RSRC1: variants seen among roughly 807,000 people sequenced by gnomAD.
RSRC1 encodes serine/Arginine-related protein 53.
Under a neutral mutation model 49.1 loss-of-function variants are expected in RSRC1, and 39 were observed. The observed-to-expected ratio is 0.79, with a 90% CI of 0.61 to 1.04. The LOEUF is 1.04. RSRC1 is among the 50% of genes least tolerant of loss of function. RSRC1 has a pLI of 0.00. For synonymous variants in RSRC1, 143 were observed against 130.8 expected, an observed-to-expected ratio of 1.09 and a Z score of -0.63; for missense variants, 388 against 402.4, an observed-to-expected ratio of 0.96 and a Z score of 0.31.
At chr3:158,253,243 T>A (rs1724329574) in intron 4 of RSRC1, among the ~76,000 whole-genome samples, 2 of 152,118 alleles carry the variant, frequency 1.3e-5, no homozygotes, top group African/African-American at 4.8e-5. Flanking sequence ...TTTTGCTGTA[T>A]CCCATAGATT....
chr3:158,268,587 C>T (rs183892760), intron 4 of RSRC1, among the ~76,000 whole-genome samples: 273 of 152,214 alleles, frequency 1.8e-3, no homozygotes, highest in Non-Finnish European at 2.2e-3. Context: ...ATAAATATAA[C>T]AGTAACTCTT....
intron 4 of RSRC1, among the ~76,000 whole-genome samples, chr3:158,260,881 C>T (rs563971304): frequency 1.1e-4 from 17 of 152,290 alleles, no homozygotes; most frequent in African/African-American, 3.8e-4. Flanking sequence ...AATCACTGTA[C>T]TTTCCCTCCC....
chr3:158,132,065 C>T (rs1716065186), intron 3 of RSRC1: 1 of 433,586 alleles, frequency 2.3e-6, no homozygotes, highest in Non-Finnish European at 4.7e-6. Flanking sequence ...CTCACTGTAG[C>T]CTTTACCTCC....
At chr3:158,530,621 G>A (rs746432725) in intron 7 of RSRC1, among the ~76,000 whole-genome samples, 1 of 151,698 alleles carries the variant, frequency 6.6e-6, no homozygotes, top group Non-Finnish European at 1.5e-5. Flanking sequence ...GGGAGGGAGG[G>A]AAGATGTGGG....
chr3:158,538,220 T>A (rs573156670), intron 8 of RSRC1, among the ~76,000 whole-genome samples: 1 of 151,964 alleles, frequency 6.6e-6, no homozygotes, highest in East Asian at 1.9e-4. Context: ...AATTACCATA[T>A]ACTTTTTAAA....
chr3:158,118,235 C>T (rs563344769), intron 1 of RSRC1, among the ~76,000 whole-genome samples: 148 of 152,248 alleles, frequency 9.7e-4, no homozygotes, highest in African/African-American at 3.4e-3. Flanking sequence ...CAGGCGTGAG[C>T]CACCGTGCCT....
At chr3:158,277,456 A>T (rs147176336) in intron 4 of RSRC1, among the ~76,000 whole-genome samples, 2 of 152,204 alleles carry the variant, frequency 1.3e-5, no homozygotes, top group African/African-American at 4.8e-5. Context: ...CTGCAGATTA[A>T]TCACTTCCAA....
intron 5 of RSRC1, among the ~76,000 whole-genome samples, chr3:158,309,926 T>C (rs180745148): frequency 9.9e-4 from 150 of 151,800 alleles, no homozygotes; most frequent in Admixed American, 6.9e-3. Context: ...TAAACTATTC[T>C]GTAGCATTTA....
chr3:158,298,163 G>A (rs1727344220), intron 5 of RSRC1, 88 bp downstream of exon 5: 3 of 987,796 alleles, frequency 3.0e-6, no homozygotes, highest in Non-Finnish European at 3.2e-6. Flanking sequence ...TGAATACTTT[G>A]TATTGAGAAA....
At chr3:158,252,602 T>C (rs1001297957) in intron 4 of RSRC1, among the ~76,000 whole-genome samples, 1 of 152,222 alleles carries the variant, frequency 6.6e-6, no homozygotes, top group Non-Finnish European at 1.5e-5. Flanking sequence ...ACTGGCCTCA[T>C]AAAATGGGTT....
At chr3:158,225,634 A>G (rs886172933) in intron 4 of RSRC1, 2 of 441,770 alleles carry the variant, frequency 4.5e-6, no homozygotes, top group East Asian at 1.4e-4. Context: ...TATATTAATG[A>G]GTTATTTGGG....
chr3:158,424,904 T>G (rs1433138655), intron 6 of RSRC1, among the ~76,000 whole-genome samples: 1 of 151,920 alleles, frequency 6.6e-6, no homozygotes, highest in African/African-American at 2.4e-5. Flanking sequence ...TAGTTTGTAT[T>G]TCTGTGGGAT....
At chr3:158,179,189 T>G (rs1719438291) in intron 3 of RSRC1, among the ~76,000 whole-genome samples, 3 of 152,206 alleles carry the variant, frequency 2.0e-5, no homozygotes, top group African/African-American at 7.2e-5. Context: ...TAACTTTATT[T>G]TGAGATAGTT....
chr3:158,227,471 T>A (rs1287884975), intron 4 of RSRC1, among the ~76,000 whole-genome samples: 1 of 152,000 alleles, frequency 6.6e-6, no homozygotes, highest in African/African-American at 2.4e-5. Context: ...CTCCCTTGAT[T>A]TTTGTTATTG....
chr3:158,461,128 C>A (rs765272260), intron 7 of RSRC1, 125 bp downstream of exon 7: 76 of 523,716 alleles, frequency 1.5e-4, no homozygotes, highest in Non-Finnish European at 2.3e-4. Flanking sequence ...AAAACTATGA[C>A]ACAATAGCAC....
At chr3:158,373,607 A>G (rs1732199011) in intron 6 of RSRC1, among the ~76,000 whole-genome samples, 1 of 151,754 alleles carries the variant, frequency 6.6e-6, no homozygotes, top group African/African-American at 2.4e-5. Flanking sequence ...TTTTTTTTGT[A>G]TATTTTTGGA....
intron 4 of RSRC1, among the ~76,000 whole-genome samples, chr3:158,254,588 C>T (rs1488284013): frequency 1.1e-4 from 16 of 152,014 alleles, no homozygotes; most frequent in Non-Finnish European, 1.6e-4. Context: ...GCCGCCAGCA[C>T]GCCTGGCTAA....
chr3:158,385,111 C>T (rs748375752), intron 6 of RSRC1, among the ~76,000 whole-genome samples: 7 of 152,106 alleles, frequency 4.6e-5, no homozygotes, highest in Non-Finnish European at 1.0e-4. Context: ...GAACACTCCG[C>T]TATCACTGAA....
chr3:158,461,187 T>G (rs901899917), intron 7 of RSRC1, among the ~76,000 whole-genome samples, 184 bp downstream of exon 7: 3 of 151,908 alleles, frequency 2.0e-5, no homozygotes, highest in African/African-American at 7.2e-5. Context: ...TAAGATTAGT[T>G]TATAAGCATG....
Sources: gnomAD v4.1 joint callset for allele counts (sites outside exome capture counted in the v4.1 genomes callset) on GRCh38, gnomAD v4.1.1 for gene constraint, MANE v1.5 for transcripts, NCBI Gene and HGNC (gene_info 2026-07-23, HGNC 2026-07-21) for gene names.